Variants in TRIQK observed in about 807,000 individuals in gnomAD.
TRIQK encodes triple QxxK/R motif containing.
Under a neutral mutation model 10.8 loss-of-function variants are expected in TRIQK, and 10 were observed. That is an observed-to-expected ratio of 0.92 (90% confidence interval 0.57 to 1.57). TRIQK has a LOEUF of 1.57. TRIQK is among the 40% of genes most tolerant of loss of function. The pLI is 0.00. For missense variants in TRIQK, 107 were observed against 97.7 expected (o/e 1.09, Z -0.40); for synonymous variants, 33 against 33.7 (o/e 0.98, Z 0.07).
chr8:92,948,789 A>G (rs1373482418), intron 2 of TRIQK, among the ~76,000 whole-genome samples: 1 of 152,238 alleles, frequency 6.6e-6, no homozygotes, highest in Non-Finnish European at 1.5e-5. Flanking sequence ...TTGATGTTTA[A>G]TTATTGTAAA....
At chr8:92,952,693 T>A (rs1027206760) in intron 2 of TRIQK, among the ~76,000 whole-genome samples, 1 of 152,052 alleles carries the variant, frequency 6.6e-6, no homozygotes, top group Non-Finnish European at 1.5e-5. Flanking sequence ...TACCTGGATA[T>A]CTTATACTCC....
intron 1 of TRIQK, among the ~76,000 whole-genome samples, chr8:92,956,568 C>T (rs967947244): frequency 6.6e-6 from 1 of 151,722 alleles, no homozygotes; most frequent in African/African-American, 2.4e-5. Flanking sequence ...TATTAAAATA[C>T]AAGTGTCATA....
chr8:92,925,902 T>C (rs566073913), intron 2 of TRIQK, among the ~76,000 whole-genome samples: 3 of 152,228 alleles, frequency 2.0e-5, no homozygotes, highest in Admixed American at 1.3e-4. Context: ...ACAAAAATGG[T>C]CATGGCTGCT....
chr8:92,950,060 A>G (rs987571569), intron 2 of TRIQK, among the ~76,000 whole-genome samples: 1 of 152,168 alleles, frequency 6.6e-6, no homozygotes, highest in East Asian at 1.9e-4. Context: ...TCTTTTAAAT[A>G]TCTTCTATCA....
chr8:92,990,791 A>G (rs1041550843), intron 1 of TRIQK, among the ~76,000 whole-genome samples: 1 of 152,122 alleles, frequency 6.6e-6, no homozygotes, highest in Non-Finnish European at 1.5e-5. Context: ...TGCCTAGGCC[A>G]GGGCCCTGGA....
At chr8:92,908,745 A>G (rs1335798712) in intron 3 of TRIQK, among the ~76,000 whole-genome samples, 1 of 152,094 alleles carries the variant, frequency 6.6e-6, no homozygotes. Context: ...GAGAGATAAG[A>G]GTCAAAATAT....
rs1586355789 is a variant in TRIQK at position 92,886,030 on chromosome 8, T to C, written c.*592A>G. On this transcript the variant is annotated 3_prime_UTR_variant, in exon 5 of 5. Coordinates refer to ENST00000521988, the MANE Select transcript of TRIQK (RefSeq NM_001171797.2). ...TATTTTAGAGACATATGTGACTCTT[T>C]GAGCTTCTGTCATCCAGGTGCCATT... is the stretch of plus-strand genomic sequence containing the variant. The C allele has an allele frequency of 6.6e-6, 1 of 151,850 alleles. No homozygotes were observed. The highest frequency in any genetic ancestry group is 6.6e-5 in the Admixed American group (1 of 15,198). 9.4% of individuals were successfully genotyped at this position (151,850 alleles called of 1,614,324 possible). A position where few individuals can be genotyped will look rare whatever the true frequency, so the allele number is the denominator to read the frequency against.
intron 1 of TRIQK, among the ~76,000 whole-genome samples, chr8:93,010,221 C>A (rs1813318075): frequency 6.6e-6 from 1 of 151,856 alleles, no homozygotes; most frequent in Admixed American, 6.6e-5. Flanking sequence ...CTATAGATAA[C>A]AATAATGTAT....
intron 3 of TRIQK, among the ~76,000 whole-genome samples, chr8:92,898,134 G>A (rs1480740080): frequency 6.6e-6 from 1 of 152,068 alleles, no homozygotes; most frequent in African/African-American, 2.4e-5. Context: ...AACACTTGTT[G>A]TTCATTGTTT....
At chr8:92,930,376 C>T (rs1404921460) in intron 2 of TRIQK, among the ~76,000 whole-genome samples, 7 of 102,876 alleles carry the variant, frequency 6.8e-5, no homozygotes, top group Admixed American at 4.9e-4. Context: ...GGCAACAAAG[C>T]GAGACTAGGT....
In TRIQK at chr8:92,946,941, AT is replaced by A. The variant is rs1811570383; in HGVS notation, c.-22+7464del. On this transcript the variant is annotated intron_variant, in intron 2 of 4. Coordinates refer to ENST00000521988, the MANE Select transcript of TRIQK (RefSeq NM_001171797.2). ...CGCCTGGCTAATTTTTTGTTTTTGT[AT>A]TTTTAGTAGAGATGGGGTTTCACCG... 2.0e-5 allele frequency among the ~76,000 whole-genome samples: 3 copies of A among 150,888 alleles called. No homozygotes were observed. In the South Asian group the frequency reaches 6.3e-4, roughly 32 times the overall value.
intron 2 of TRIQK, among the ~76,000 whole-genome samples, chr8:92,947,053 C>A (rs1465325899): frequency 6.6e-6 from 1 of 151,904 alleles, no homozygotes; most frequent in African/African-American, 2.4e-5. Context: ...GCGTGAGCCA[C>A]TGCGCCTGGC....
At chr8:92,924,337 A>G (rs1810334482) in intron 2 of TRIQK, among the ~76,000 whole-genome samples, 1 of 152,026 alleles carries the variant, frequency 6.6e-6, no homozygotes, top group Non-Finnish European at 1.5e-5. Flanking sequence ...GATAAAGCAA[A>G]AATCCTTAAT....
At chr8:92,980,661 A>G (rs1438302283) in intron 1 of TRIQK, among the ~76,000 whole-genome samples, 2 of 152,014 alleles carry the variant, frequency 1.3e-5, no homozygotes, top group Admixed American at 6.6e-5. Flanking sequence ...AGAAGTATAT[A>G]CATTTTATGT....
intron 2 of TRIQK, among the ~76,000 whole-genome samples, chr8:92,947,428 C>CA (rs910353147): frequency 3.3e-5 from 5 of 151,290 alleles, no homozygotes; most frequent in African/African-American, 1.2e-4. Flanking sequence ...ACTAAAAATA[C>CA]AAAAAATTAG....
intron 2 of TRIQK, among the ~76,000 whole-genome samples, chr8:92,923,258 C>A (rs1412660461): frequency 6.6e-6 from 1 of 151,516 alleles, no homozygotes; most frequent in African/African-American, 2.4e-5. Context: ...CCCAAGAAAT[C>A]CAGGGAGACA....
At position 92,898,833 on chromosome 8, in the gene TRIQK, GTATATATATATATATATATATATATATA is replaced by G. The variant is rs67063066; in HGVS notation, c.62-6787_62-6760del. On this transcript the variant is annotated intron_variant, in intron 3 of 4. Coordinates refer to ENST00000521988, the MANE Select transcript of TRIQK (RefSeq NM_001171797.2). ...GCAGGTACATAATAGGTGTGTGTGT[GTATATATATATATATATATATATATATA>G]TATATATATATAGATGGGGGTACAT... is the stretch of plus-strand genomic sequence containing the variant. Among the ~76,000 whole-genome samples, 39 of 73,922 alleles carry G rather than the reference GTATATATATATATATATATATATATATA, an allele frequency of 5.3e-4. 2 individuals are homozygous for G. The highest frequency in any genetic ancestry group is 3.9e-3 in the East Asian group (8 of 2,058). 48.5% of individuals were successfully genotyped at this position (73,922 alleles called of 152,430 possible).
chr8:92,970,758 C>G (rs1812865973), upstream of TRIQK, among the ~76,000 whole-genome samples: 1 of 152,090 alleles, frequency 6.6e-6, no homozygotes, highest in Admixed American at 6.6e-5. Context: ...TATCTTTTCA[C>G]TCATGATAGT....
chr8:92,897,797 G>A (rs966913941), intron 3 of TRIQK, among the ~76,000 whole-genome samples: 1 of 152,046 alleles, frequency 6.6e-6, no homozygotes, highest in African/African-American at 2.4e-5. Context: ...GTGTGTGTCT[G>A]TATATGTGCA....
Sources: allele counts gnomAD v4.1 joint callset (sites outside exome capture counted in the v4.1 genomes callset), GRCh38; gene constraint gnomAD v4.1.1; transcripts MANE v1.5; gene names NCBI Gene and HGNC (gene_info 2026-07-23, HGNC 2026-07-21).